XKR4: variants seen among roughly 807,000 people sequenced by gnomAD.
XKR4 encodes XK related 4.
Under a neutral mutation model 53.9 loss-of-function variants are expected in XKR4, and 12 were observed. That is an observed-to-expected ratio of 0.22 (90% confidence interval 0.14 to 0.36). The LOEUF (loss-of-function observed/expected upper bound fraction) is 0.36. Ranked by LOEUF, XKR4 falls within the 10% of genes least tolerant of loss-of-function variation. The pLI is 1.00. For missense variants in XKR4, 799 were observed against 859.5 expected, an observed-to-expected ratio of 0.93 and a Z score of 0.88; for synonymous variants, 354 against 362.4, an observed-to-expected ratio of 0.98 and a Z score of 0.26.
intron 2 of XKR4, among the ~76,000 whole-genome samples, chr8:55,507,408 A>T (rs1018366460): frequency 4.6e-5 from 7 of 151,918 alleles, no homozygotes; most frequent in Admixed American, 3.9e-4. Flanking sequence ...TGTGCAGGTT[A>T]GTTACATATG....
intron 1 of XKR4, among the ~76,000 whole-genome samples, chr8:55,281,701 T>G (rs1344116588): frequency 6.6e-6 from 1 of 152,218 alleles, no homozygotes; most frequent in Non-Finnish European, 1.5e-5. Flanking sequence ...TTGAAATGCT[T>G]TAAGTAATTT....
At chr8:55,367,403 A>T (rs1804004607) in intron 2 of XKR4, among the ~76,000 whole-genome samples, 1 of 152,222 alleles carries the variant, frequency 6.6e-6, no homozygotes, top group East Asian at 1.9e-4. Flanking sequence ...TTTTCAGCTT[A>T]GGAGTAATAT....
At chr8:55,164,868 G>T (rs1202044716) in intron 1 of XKR4, 1 of 163,812 alleles carries the variant, frequency 6.1e-6, no homozygotes, top group African/African-American at 2.4e-5. Flanking sequence ...CCAAAAAGTA[G>T]TATGCTGTGC....
intron 2 of XKR4, among the ~76,000 whole-genome samples, chr8:55,433,210 G>T (rs1214197584): frequency 6.6e-6 from 1 of 152,130 alleles, no homozygotes; most frequent in African/African-American, 2.4e-5. Flanking sequence ...CTATCTAAAT[G>T]CAATTGGTTT....
intron 1 of XKR4, among the ~76,000 whole-genome samples, chr8:55,163,072 A>C (rs970355917): frequency 6.6e-5 from 10 of 152,196 alleles, no homozygotes; most frequent in African/African-American, 2.4e-4. Context: ...GCCTGTCACG[A>C]GGCAAAATTC....
chr8:55,115,774 T>TCA (rs373505895), intron 1 of XKR4, among the ~76,000 whole-genome samples: 35 of 149,694 alleles, frequency 2.3e-4, no homozygotes, highest in African/African-American at 7.6e-4. Context: ...GAGCTTCATC[T>TCA]CACACACACA....
chr8:55,238,300 A>C (rs956707728), intron 1 of XKR4, among the ~76,000 whole-genome samples: 4 of 152,232 alleles, frequency 2.6e-5, no homozygotes, highest in Non-Finnish European at 5.9e-5. Flanking sequence ...TCTTCCAGCC[A>C]GCAGGGAGAG....
At chr8:55,239,648 C>G (rs368934902) in intron 1 of XKR4, among the ~76,000 whole-genome samples, 21 of 152,298 alleles carry the variant, frequency 1.4e-4, no homozygotes, top group African/African-American at 5.1e-4. Flanking sequence ...TAACTGTTCT[C>G]ATGTGAGGTG....
chr8:55,454,547 T>G (rs1340785557), intron 2 of XKR4: 8 of 1,429,922 alleles, frequency 5.6e-6, no homozygotes, highest in Non-Finnish European at 7.7e-6. Flanking sequence ...CTGCAGCTGC[T>G]GATGGGCAGG....
At chr8:55,305,649 T>C (rs1450006686) in intron 1 of XKR4, among the ~76,000 whole-genome samples, 1 of 152,186 alleles carries the variant, frequency 6.6e-6, no homozygotes, top group African/African-American at 2.4e-5. Context: ...TGACATATTT[T>C]ATAAAATTAC....
At chr8:55,305,094 C>A (rs771262047) in intron 1 of XKR4, among the ~76,000 whole-genome samples, 2 of 152,108 alleles carry the variant, frequency 1.3e-5, no homozygotes, top group Non-Finnish European at 2.9e-5. Flanking sequence ...GATGGGACTA[C>A]AGGGGAAAGG....
chr8:55,455,403 C>G (rs1469609091), intron 2 of XKR4, among the ~76,000 whole-genome samples: 1 of 152,168 alleles, frequency 6.6e-6, no homozygotes, highest in East Asian at 1.9e-4. Context: ...TACCTCCATC[C>G]TTCCTCCCCC....
At chr8:55,172,108 C>A (rs1817167759) in intron 1 of XKR4, among the ~76,000 whole-genome samples, 1 of 151,694 alleles carries the variant, frequency 6.6e-6, no homozygotes, top group Non-Finnish European at 1.5e-5. Context: ...TAGCTACTCA[C>A]AAGGCTGAGG....
At chr8:55,346,365 C>T (rs1332781971) in intron 1 of XKR4, among the ~76,000 whole-genome samples, 2 of 152,140 alleles carry the variant, frequency 1.3e-5, no homozygotes, top group East Asian at 1.9e-4. Context: ...GGATTAGAGG[C>T]GTGAGCCACC....
chr8:55,138,961 C>G (rs1230655817), intron 1 of XKR4, among the ~76,000 whole-genome samples: 1 of 152,164 alleles, frequency 6.6e-6, no homozygotes, highest in Non-Finnish European at 1.5e-5. Context: ...GATTCAGTGA[C>G]CACCCTTAAG....
chr8:55,193,815 T>G (rs1817473886), intron 1 of XKR4, among the ~76,000 whole-genome samples: 1 of 152,134 alleles, frequency 6.6e-6, no homozygotes, highest in Non-Finnish European at 1.5e-5. Flanking sequence ...CCTCCACCAG[T>G]GTTTGGGAGC....
At chr8:55,155,700 T>TA (rs1363529575) in intron 1 of XKR4, among the ~76,000 whole-genome samples, 1 of 151,922 alleles carries the variant, frequency 6.6e-6, no homozygotes, top group African/African-American at 2.4e-5. Context: ...CCCAGCCTAA[T>TA]AAACAAGGAA....
intron 1 of XKR4, among the ~76,000 whole-genome samples, chr8:55,179,827 T>C (rs936113110): frequency 6.6e-6 from 1 of 152,240 alleles, no homozygotes; most frequent in Non-Finnish European, 1.5e-5. Flanking sequence ...TTTTTATTTA[T>C]CTTCTGTGTT....
intron 2 of XKR4, among the ~76,000 whole-genome samples, chr8:55,383,385 T>C (rs1444131732): frequency 1.3e-5 from 2 of 152,072 alleles, no homozygotes; most frequent in Non-Finnish European, 2.9e-5. Flanking sequence ...TCAGTACATA[T>C]AGCAAAGAGC....
Sources: gnomAD v4.1 joint callset for allele counts (sites outside exome capture counted in the v4.1 genomes callset) on GRCh38, gnomAD v4.1.1 for gene constraint, MANE v1.5 for transcripts, NCBI Gene and HGNC (gene_info 2026-07-23, HGNC 2026-07-21) for gene names.